Variants in PPM1H observed in about 807,000 individuals in gnomAD.
PPM1H encodes protein phosphatase, Mg2+/Mn2+ dependent 1H, also known as protein phosphatase 1H.
PPM1H carries 27 observed loss-of-function variants against 54.9 expected under a neutral mutation model. That is an observed-to-expected ratio of 0.49 (90% CI 0.36 to 0.68). The LOEUF is 0.68. Among genes scored for constraint, PPM1H ranks in the 30% least tolerant of loss-of-function variants. The pLI, the probability that PPM1H is intolerant of heterozygous loss-of-function variation, is 0.00. For missense variants in PPM1H, 596 were observed against 667.8 expected, an observed-to-expected ratio of 0.89 and a Z score of 1.19; for synonymous variants, 305 against 270.8, an observed-to-expected ratio of 1.13 and a Z score of -1.24.
At chr12:62,725,236 A>G (rs1284579853) in intron 5 of PPM1H, among the ~76,000 whole-genome samples, 1 of 152,198 alleles carries the variant, frequency 6.6e-6, no homozygotes, top group Non-Finnish European at 1.5e-5. Flanking sequence ...AAGCTGCTGG[A>G]CACCCATCCC....
At chr12:62,698,131 C>G (rs1038952709) in intron 6 of PPM1H, among the ~76,000 whole-genome samples, 1 of 151,856 alleles carries the variant, frequency 6.6e-6, no homozygotes, top group Middle Eastern at 3.2e-3. Flanking sequence ...GTTTGGACTT[C>G]CTGGAAGGAG....
Position 62,831,580 on chromosome 12 carries a change from G to A in PPM1H, c.411+534C>T, listed in dbSNP as rs539940068. Among the ~76,000 whole-genome samples, 314 of 151,916 alleles carry A rather than the reference G, an allele frequency of 2.1e-3. 3 individuals carry two copies. Among genetic ancestry groups the A allele is most frequent in the African/African-American group, 6.8e-3 (280 of 41,430 alleles). On this transcript the variant is annotated intron_variant, in intron 2 of 9. Transcript: ENST00000228705. The stretch of plus-strand genomic sequence containing the variant: ...CATGAGCAGGCAAGGAGGAGAAAGG[G>A]GCAGAGTCATGGCAGGGCTCAAAGC...
intron 8 of PPM1H, 107 bp downstream of exon 8, chr12:62,689,592 A>G (rs1319789876): frequency 4.1e-6 from 3 of 735,926 alleles, no homozygotes; most frequent in Admixed American, 2.2e-5. Context: ...GTGGAAGTAC[A>G]TATAATACAA....
At chr12:62,920,452 A>C (rs1255500320) in intron 1 of PPM1H, among the ~76,000 whole-genome samples, 1 of 150,676 alleles carries the variant, frequency 6.6e-6, no homozygotes, top group African/African-American at 2.4e-5. Context: ...TCAGCCTCCC[A>C]AGTAGCTGGT....
chr12:62,755,850 C>A lies in PPM1H; in HGVS notation c.870-18264G>T, dbSNP rs548038394. ...CACGGCGCTCTCCAGAACATCATCC[C>A]TGCCTCTACTGGTGCTGCTAAGGTT... On this transcript the variant is annotated intron_variant, in intron 4 of 9. Coordinates refer to ENST00000228705, the MANE Select transcript of PPM1H (RefSeq NM_020700.2). 8.9e-6 allele frequency: 7 copies of A among 785,284 alleles called. No homozygotes were observed. The East Asian group carries it at 1.2e-4, about 14-fold the overall frequency. 48.6% of individuals were successfully genotyped at this position (785,284 alleles called of 1,614,324 possible).
At chr12:62,822,322 C>G (rs1298179705) in intron 2 of PPM1H, among the ~76,000 whole-genome samples, 1 of 152,130 alleles carries the variant, frequency 6.6e-6, no homozygotes, top group African/African-American at 2.4e-5. Flanking sequence ...CTTTAACACC[C>G]CACTGTCAAT....
At chr12:62,889,737 C>T (rs77297381) in intron 1 of PPM1H, among the ~76,000 whole-genome samples, 8,233 of 152,142 alleles carry the variant, frequency 0.054, 790 homozygotes, top group African/African-American at 0.19. Flanking sequence ...AAAAAAATGA[C>T]TCTAGACACA....
intron 3 of PPM1H, among the ~76,000 whole-genome samples, chr12:62,797,650 C>G (rs574172769): frequency 6.6e-6 from 1 of 152,046 alleles, no homozygotes; most frequent in South Asian, 2.1e-4. Flanking sequence ...CTCTCAAAAA[C>G]CTAATATTGA....
chr12:62,780,018 T>G (rs2076632195), intron 4 of PPM1H, among the ~76,000 whole-genome samples: 1 of 152,170 alleles, frequency 6.6e-6, no homozygotes, highest in African/African-American at 2.4e-5. Context: ...AAAATGACAT[T>G]AATAGTACTT....
At chr12:62,693,269 C>T (rs915887013) in intron 7 of PPM1H, among the ~76,000 whole-genome samples, 3 of 152,162 alleles carry the variant, frequency 2.0e-5, no homozygotes, top group East Asian at 1.9e-4. Context: ...TTCTTTGGTT[C>T]GACAACGTGC....
chr12:62,806,033 A>C (rs2076803542), intron 2 of PPM1H, among the ~76,000 whole-genome samples: 1 of 152,198 alleles, frequency 6.6e-6, no homozygotes, highest in Non-Finnish European at 1.5e-5. Context: ...ATGTAACTAG[A>C]GGGGTAGGAT....
At chr12:62,749,139 T>C (rs1241615861) in intron 4 of PPM1H, among the ~76,000 whole-genome samples, 2 of 152,194 alleles carry the variant, frequency 1.3e-5, no homozygotes, top group African/African-American at 4.8e-5. Context: ...GAACCTACTA[T>C]TGAGCAAGGC....
intron 2 of PPM1H, among the ~76,000 whole-genome samples, chr12:62,805,931 C>A (rs1240506375): frequency 6.6e-6 from 1 of 152,100 alleles, no homozygotes; most frequent in African/African-American, 2.4e-5. Context: ...CACAATGCAC[C>A]CGTATATCAA....
rs1173229360 is a variant in PPM1H, at chr12:62,658,182, ATTTT to A, written c.1397+8992_1397+8995del. On this transcript the variant is annotated intron_variant, in intron 9 of 9. Coordinates refer to ENST00000228705, the MANE Select transcript of PPM1H (RefSeq NM_020700.2). ...GAGACCAGCCTGGGTAACACGGTGA[ATTTT>A]TTTTTTTTTTTTTTTTTTTTTTTTT... Among the ~76,000 whole-genome samples, 557 of 87,522 alleles carry A rather than the reference ATTTT, an allele frequency of 6.4e-3. 4 individuals carry two copies. The highest frequency in any genetic ancestry group is 0.026 in the Admixed American group (215 of 8,300). 57.4% of individuals were successfully genotyped at this position (87,522 alleles called of 152,430 possible).
At chr12:62,909,626 T>C (rs1029538180) in intron 1 of PPM1H, among the ~76,000 whole-genome samples, 1 of 152,238 alleles carries the variant, frequency 6.6e-6, no homozygotes, top group Non-Finnish European at 1.5e-5. Context: ...TAGAGGGCTC[T>C]TCTCTGACAC....
At position 62,721,096 on chromosome 12, in the gene PPM1H, T is replaced by C. The variant is rs1194928656; in HGVS notation, c.955-807A>G. ...ATGGTGGAATGGATCTTCTTTCTTT[T>C]CTGGCAGGGAAAAGAGTGGGCAGAG... is the stretch of plus-strand genomic sequence containing the variant. On this transcript the variant is annotated intron_variant, in intron 5 of 9. Transcript: ENST00000228705. 2 of 152,384 alleles carry C rather than the reference T, an allele frequency of 1.3e-5. 1 individual carries two copies. The highest frequency in any genetic ancestry group is 1.3e-4 in the Admixed American group (2 of 15,292). 9.4% of individuals were successfully genotyped at this position (152,384 alleles called of 1,614,324 possible).
chr12:62,710,507 G>A (rs556830997), intron 6 of PPM1H, among the ~76,000 whole-genome samples: 1 of 149,722 alleles, frequency 6.7e-6, no homozygotes, highest in African/African-American at 2.5e-5. Context: ...ACTCCAGCCT[G>A]GGCAACAGAG....
Position 62,906,468 on chromosome 12 carries a change from T to C in PPM1H, c.245+28024A>G, listed in dbSNP as rs76694467. Among the ~76,000 whole-genome samples the C allele has an allele frequency of 2.1e-3, 325 of 152,326 alleles. 2 individuals are homozygous for C. Among genetic ancestry groups the C allele is most frequent in the Non-Finnish European group, 3.6e-3 (244 of 68,020 alleles). On this transcript the variant is annotated intron_variant, in intron 1 of 9. Transcript: ENST00000228705. ...AGTCGGTAATCCATGTTCAAACAGA[T>C]TTCAGAAATTAATTTTCAAAGTTTG... is the stretch of plus-strand genomic sequence containing the variant.
At chr12:62,790,612 G>GA (rs1213860118) in intron 3 of PPM1H, among the ~76,000 whole-genome samples, 2 of 151,026 alleles carry the variant, frequency 1.3e-5, no homozygotes, top group African/African-American at 4.9e-5. Flanking sequence ...AGTAAATAGA[G>GA]AAAAAACACA....
Sources: allele counts gnomAD v4.1 joint callset (sites outside exome capture counted in the v4.1 genomes callset), GRCh38; gene constraint gnomAD v4.1.1; transcripts MANE v1.5; gene names NCBI Gene and HGNC (gene_info 2026-07-23, HGNC 2026-07-21).